Variants in CTNNB1 observed in about 807,000 individuals in gnomAD.
CTNNB1 encodes the protein catenin beta-1.
In CTNNB1, 6 loss-of-function variants were observed where a neutral mutation model predicts 82.5. The observed-to-expected ratio is 0.07, with a 90% CI of 0.04 to 0.14. The LOEUF (loss-of-function observed/expected upper bound fraction) is 0.14, where lower values mean the gene tolerates loss of function less well. CTNNB1 is among the 10% of genes least tolerant of loss of function. The probability of loss-of-function intolerance (pLI) is 1.00; values close to 1 mark genes in which losing one functional copy is unlikely to be tolerated. For missense variants in CTNNB1, 529 were observed against 980.4 expected (o/e 0.54, Z 6.15); for synonymous variants, 312 against 329.7 (o/e 0.95, Z 0.58).
intron 1 of CTNNB1, among the ~76,000 whole-genome samples, chr3:41,217,393 T>TTGACTCTC (rs1450256124): frequency 1.3e-5 from 2 of 152,248 alleles, no homozygotes; most frequent in Non-Finnish European, 2.9e-5. Flanking sequence ...TATGATCTTG[T>TTGACTCTC]TGACTCTCTT....
At chr3:41,222,283 T>G (rs1195607919) in intron 1 of CTNNB1, 1 of 152,228 alleles carries the variant, frequency 6.6e-6, no homozygotes, top group Non-Finnish European at 1.5e-5. Flanking sequence ...TCTATTTGAT[T>G]TCTTTAGCAG....
rs1207330730 is a variant in CTNNB1, at chr3:41,239,986, CTTTTTTTTT to C, written c.*661_*669del. The stretch of plus-strand genomic sequence containing the variant: ...TGACTTTGCTTGCTTTGAAGTAGCT[CTTTTTTTTT>C]TTTTTTTTTTTTTTTTGCAGTAACT... On this transcript the variant is annotated 3_prime_UTR_variant, in exon 15 of 15. Transcript: ENST00000349496. 2.3e-3 allele frequency: 75 copies of C among 32,662 alleles called. No individual in the cohort carries two copies. Among genetic ancestry groups the C allele is most frequent in the East Asian group, 4.3e-3 (13 of 3,022 alleles). The allele number at this position is 32,662 out of a possible 1,614,324, so 2.0% of individuals were successfully genotyped here. A position where few individuals can be genotyped will look rare whatever the true frequency, so the allele number is the denominator to read the frequency against.
intron 7 of CTNNB1, among the ~76,000 whole-genome samples, chr3:41,231,931 C>G (rs2078318502): frequency 6.6e-6 from 1 of 152,086 alleles, no homozygotes; most frequent in Non-Finnish European, 1.5e-5. Context: ...TAAATGGAAC[C>G]CTCAGAAGGC....
At position 41,225,390 on chromosome 3, in the gene CTNNB1, C is replaced by T. The variant is rs375776725; in HGVS notation, c.552C>T (p.Ser184=). Residue 184 remains serine, a synonymous_variant, in exon 5 of 15, where the codon TCC becomes TCT. Transcript: ENST00000349496. This position sits in a 1 kb window ranked among gnomAD's most constrained non-coding sequence, Gnocchi z 5.3. Reference sequence around the variant, plus strand: ...ATCAGCTTTCTAAAAAGGAAGCTTCCAGACACGCTATCATGCGTTCTCCTC... The same window carrying T: ...ATCAGCTTTCTAAAAAGGAAGCTTCTAGACACGCTATCATGCGTTCTCCTC... ...MVHQLSKKEA[S]RHAIMRSPQM... 2.9e-5 allele frequency: 46 copies of T among 1,613,808 alleles called. No homozygotes were observed. Among genetic ancestry groups the T allele is most frequent in the Non-Finnish European group, 3.9e-5 (46 of 1,179,974 alleles).
chr3:41,230,954 C>T (rs575943507), intron 7 of CTNNB1, among the ~76,000 whole-genome samples: 35 of 152,290 alleles, frequency 2.3e-4, no homozygotes, highest in African/African-American at 7.2e-4. Context: ...AGAAAGTTTA[C>T]GAATTTGTGT....
chr3:41,227,763 T>C (rs762481624), intron 7 of CTNNB1, among the ~76,000 whole-genome samples: 41 of 152,294 alleles, frequency 2.7e-4, no homozygotes, highest in Non-Finnish European at 4.4e-4. Flanking sequence ...TTCCGGGTAA[T>C]GTGCAGGCTT....
intron 7 of CTNNB1, among the ~76,000 whole-genome samples, chr3:41,230,137 CATT>C (rs1408720870): frequency 6.6e-6 from 1 of 152,186 alleles, no homozygotes; most frequent in Non-Finnish European, 1.5e-5. Context: ...GAGAGAAAGA[CATT>C]ATGATTGCTC....
chr3:41,220,786 T>G (rs2078028923), intron 1 of CTNNB1: 1 of 152,230 alleles, frequency 6.6e-6, no homozygotes, highest in African/African-American at 2.4e-5. Flanking sequence ...AAAATATGTC[T>G]GCTTTATATT....
At chr3:41,227,403 A>G (rs538315605) in intron 7 of CTNNB1, 51 bp downstream of exon 7, 35 of 1,589,574 alleles carry the variant, frequency 2.2e-5, no homozygotes, top group Middle Eastern at 1.7e-4. Context: ...TGCAGTTCTA[A>G]TTAGATTACT....
At chr3:41,231,840 A>G (rs1231515361) in intron 7 of CTNNB1, among the ~76,000 whole-genome samples, 2 of 152,246 alleles carry the variant, frequency 1.3e-5, no homozygotes, top group African/African-American at 4.8e-5. Context: ...TGCCTGAAAG[A>G]ATCATAGAAT....
At position 41,201,380 on chromosome 3, in the gene CTNNB1, G is replaced by A. The variant is rs900741345; in HGVS notation, c.-49+1710G>A. On this transcript the variant is annotated intron_variant, in intron 1 of 14. Coordinates refer to ENST00000349496, the MANE Select transcript of CTNNB1 (RefSeq NM_001904.4). ...AAAAAAAGTACCCTTAAAGGTTTGAGGATGTCCTTTCACACCAGACAAAAT... is the reference window on the plus strand; with the variant it reads ...AAAAAAAGTACCCTTAAAGGTTTGAAGATGTCCTTTCACACCAGACAAAAT... 2.6e-5 allele frequency among the ~76,000 whole-genome samples: 4 copies of A among 152,028 alleles called. No homozygotes were observed. In the East Asian group the frequency reaches 7.7e-4, roughly 29 times the overall value.
At chr3:41,238,845 G>A (rs1453815891) in intron 14 of CTNNB1, among the ~76,000 whole-genome samples, 1 of 152,126 alleles carries the variant, frequency 6.6e-6, no homozygotes, top group African/African-American at 2.4e-5. Context: ...TCTTGACAGG[G>A]GTAAATGCAG....
rs752525482 is a variant in CTNNB1, at chr3:41,235,852, T to C, written c.1803+9T>C. ...TTCCATTGTTTGTGCAGGTATGTTT[T>C]AAGTGAAGTGTTCTAGGTTTTATGT... On this transcript the variant is annotated intron_variant, in intron 11 of 14. Transcript: ENST00000349496. 52 of 1,614,020 alleles carry C rather than the reference T, an allele frequency of 3.2e-5. No individual in the cohort carries two copies. The highest frequency in any genetic ancestry group is 4.4e-5 in the Non-Finnish European group (52 of 1,179,948).
chr3:41,236,830 ATTTC>A, intron 13 of CTNNB1, 121 bp downstream of exon 13: 4 of 1,350,440 alleles, frequency 3.0e-6, no homozygotes, highest in Non-Finnish European at 4.2e-6. Context: ...TGGCTTGAGT[ATTTC>A]TTCTTTATGC....
Position 41,233,279 on chromosome 3 carries a change from T to C in CTNNB1, c.1082-62T>C, listed in dbSNP as rs536401191. The C allele has an allele frequency of 2.1e-5, 29 of 1,391,362 alleles. No individual in the cohort carries two copies. In the South Asian group the frequency reaches 3.0e-4, roughly 15 times the overall value. 86.2% of individuals were successfully genotyped at this position (1,391,362 alleles called of 1,614,324 possible). A position where few individuals can be genotyped will look rare whatever the true frequency, so the allele number is the denominator to read the frequency against. On this transcript the variant is annotated intron_variant, in intron 7 of 14. Coordinates refer to ENST00000349496, the MANE Select transcript of CTNNB1 (RefSeq NM_001904.4). ...ACACCTCCTAAGGCTAGAACAGATA[T>C]TTAGGATTGATAGGCACTTCTAGCT...
At chr3:41,200,313 G>A (rs1258693885) in intron 1 of CTNNB1, 1 of 152,208 alleles carries the variant, frequency 6.6e-6, no homozygotes, top group Non-Finnish European at 1.5e-5. Context: ...TGCAGCGGGT[G>A]CGATGCGTCA....
At chr3:41,210,370 C>T (rs1265427439) in intron 1 of CTNNB1, among the ~76,000 whole-genome samples, 1 of 152,152 alleles carries the variant, frequency 6.6e-6, no homozygotes, top group African/African-American at 2.4e-5. Context: ...AGGAGAATGG[C>T]GTGAACCCAG....
chr3:41,205,340 A>T (rs750661775), intron 1 of CTNNB1, among the ~76,000 whole-genome samples: 1 of 152,200 alleles, frequency 6.6e-6, no homozygotes, highest in Admixed American at 6.5e-5. Flanking sequence ...TTTTTGGCCA[A>T]TTTAAGTTTA....
At chr3:41,208,946 C>T (rs1020999491) in intron 1 of CTNNB1, among the ~76,000 whole-genome samples, 3 of 152,172 alleles carry the variant, frequency 2.0e-5, no homozygotes, top group African/African-American at 4.8e-5. Context: ...GCAAAATAAC[C>T]TTGAAAAATT....
Sources: allele counts gnomAD v4.1 joint callset (sites outside exome capture counted in the v4.1 genomes callset), GRCh38; gene constraint gnomAD v4.1.1; non-coding constraint Gnocchi (gnomAD v3.1); transcripts MANE v1.5; gene names NCBI Gene and HGNC (gene_info 2026-07-23, HGNC 2026-07-21).